The following LYPLA1 variants were observed in gnomAD, a reference collection of about 807,000 sequenced individuals.
LYPLA1 encodes the protein acyl-protein thioesterase 1.
Under a neutral mutation model 34.0 loss-of-function variants are expected in LYPLA1, and 17 were observed. The ratio of observed to expected loss-of-function variants is 0.50; its 90% confidence interval spans 0.34 to 0.75. The LOEUF (loss-of-function observed/expected upper bound fraction) is 0.75, where lower values mean the gene tolerates loss of function less well. Ranked by LOEUF, LYPLA1 falls within the 30% of genes least tolerant of loss-of-function variation. LYPLA1 has a pLI of 0.01. For missense variants in LYPLA1, 203 were observed against 288.8 expected, an observed-to-expected ratio of 0.70 and a Z score of 2.15; for synonymous variants, 98 against 100.8, an observed-to-expected ratio of 0.97 and a Z score of 0.17.
downstream of LYPLA1, among the ~76,000 whole-genome samples, chr8:54,043,694 T>G (rs1169265825): frequency 1.3e-5 from 2 of 151,920 alleles, no homozygotes; most frequent in Non-Finnish European, 2.9e-5. Context: ...CCCAAGTAGC[T>G]GGGATTACAG....
At chr8:54,065,619 C>CT in intron 3 of LYPLA1, 129 bp downstream of exon 3, 1 of 588,072 alleles carries the variant, frequency 1.7e-6, no homozygotes, top group East Asian at 2.9e-5. Flanking sequence ...TTCTACTAAT[C>CT]TTTATTTTTA....
chr8:54,060,689 C>CA (rs1554541943), intron 5 of LYPLA1, among the ~76,000 whole-genome samples: 2 of 123,484 alleles, frequency 1.6e-5, no homozygotes, highest in Non-Finnish European at 3.3e-5. Flanking sequence ...TTTTTTCTTC[C>CA]TTTTTTTTTT....
chr8:54,050,317 C>T (rs1410737029), intron 8 of LYPLA1, among the ~76,000 whole-genome samples: 1 of 152,162 alleles, frequency 6.6e-6, no homozygotes, highest in Non-Finnish European at 1.5e-5. Context: ...TCCTTGGTTA[C>T]TACACCCCAC....
At chr8:54,098,448 G>C (rs944170383) in intron 2 of LYPLA1, among the ~76,000 whole-genome samples, 1 of 152,208 alleles carries the variant, frequency 6.6e-6, no homozygotes, top group Non-Finnish European at 1.5e-5. Context: ...GGAGGCCGAG[G>C]TGGGTGGATC....
At chr8:54,087,103 T>C (rs1440239451) in intron 2 of LYPLA1, among the ~76,000 whole-genome samples, 1 of 152,188 alleles carries the variant, frequency 6.6e-6, no homozygotes, top group Non-Finnish European at 1.5e-5. Context: ...TCTCATGATC[T>C]TGTGAGCTGA....
chr8:54,071,452 A>T (rs1463837841), intron 2 of LYPLA1, among the ~76,000 whole-genome samples: 1 of 152,204 alleles, frequency 6.6e-6, no homozygotes, highest in Non-Finnish European at 1.5e-5. Context: ...GAGTTAAAAA[A>T]AGACTCATCT....
chr8:54,066,422 TA>T (rs1265959796), intron 2 of LYPLA1, among the ~76,000 whole-genome samples: 1 of 152,232 alleles, frequency 6.6e-6, no homozygotes, highest in Non-Finnish European at 1.5e-5. Context: ...GATATATTTT[TA>T]AAATGTCTTT....
At chr8:54,052,141 G>A (rs1427647305) in intron 7 of LYPLA1, among the ~76,000 whole-genome samples, 6 of 152,040 alleles carry the variant, frequency 3.9e-5, no homozygotes, top group African/African-American at 9.7e-5. Context: ...ATGAGCCACC[G>A]CACCTGGTCT....
chr8:54,082,442 C>T (rs1586151538), intron 2 of LYPLA1, among the ~76,000 whole-genome samples: 1 of 151,894 alleles, frequency 6.6e-6, no homozygotes, highest in East Asian at 1.9e-4. Context: ...AACAGCTTAG[C>T]TCCTATTTGT....
chr8:54,048,839 T>G (rs887532962), intron 8 of LYPLA1, among the ~76,000 whole-genome samples: 3 of 152,240 alleles, frequency 2.0e-5, no homozygotes, highest in African/African-American at 4.8e-5. Context: ...CACAATACTC[T>G]GAAGTCCCAA....
intron 3 of LYPLA1, among the ~76,000 whole-genome samples, chr8:54,065,086 C>T (rs969553266): frequency 1.3e-5 from 2 of 152,034 alleles, no homozygotes; most frequent in African/African-American, 2.4e-5. Context: ...TTGCCCCAAA[C>T]GATAAAATTA....
chr8:54,069,623 T>C (rs529629259), intron 2 of LYPLA1, among the ~76,000 whole-genome samples: 2 of 151,688 alleles, frequency 1.3e-5, no homozygotes, highest in South Asian at 2.1e-4. Context: ...GGCTGGAGAA[T>C]CATTTGAACC....
Position 54,070,549 on chromosome 8 carries a change from C to T in LYPLA1, c.102-4736G>A, listed in dbSNP as rs964366953. On this transcript the variant is annotated intron_variant, in intron 2 of 8. Transcript: ENST00000316963. ...GACCAGCCTGGTCAACATGGTGAAACCTGTCTCTACTAAAAATACAAAAAT... is the reference window on the plus strand; with the variant it reads ...GACCAGCCTGGTCAACATGGTGAAATCTGTCTCTACTAAAAATACAAAAAT... Among the ~76,000 whole-genome samples the T allele has an allele frequency of 9.2e-5, 14 of 152,146 alleles. No homozygotes were observed. In the South Asian group the frequency reaches 2.9e-3, roughly 32 times the overall value.
At chr8:54,093,885 G>A (rs1305876307) in intron 2 of LYPLA1, among the ~76,000 whole-genome samples, 1 of 152,118 alleles carries the variant, frequency 6.6e-6, no homozygotes, top group African/African-American at 2.4e-5. Flanking sequence ...ATATGCCAGT[G>A]GGCTGCCCTT....
intron 1 of LYPLA1, 29 bp from the exon 2 acceptor site, chr8:54,100,968 A>C: frequency 6.3e-7 from 1 of 1,590,402 alleles, no homozygotes. Flanking sequence ...ATTAATAAGC[A>C]ATGCCTAAAT....
At chr8:54,071,548 A>G (rs1330506461) in intron 2 of LYPLA1, among the ~76,000 whole-genome samples, 1 of 152,366 alleles carries the variant, frequency 6.6e-6, no homozygotes, top group South Asian at 2.1e-4. Context: ...ACACGCAGTA[A>G]AAGATGAACC....
At chr8:54,053,553 G>C (rs927056113) in intron 6 of LYPLA1, 1 of 455,298 alleles carries the variant, frequency 2.2e-6, no homozygotes, top group Non-Finnish European at 4.4e-6. Context: ...CATGCCCATG[G>C]GTTACTGCAA....
chr8:54,070,559 C>T (rs1027954340), intron 2 of LYPLA1, among the ~76,000 whole-genome samples: 7 of 151,976 alleles, frequency 4.6e-5, no homozygotes, highest in African/African-American at 1.7e-4. Context: ...CCTGTCTCTA[C>T]TAAAAATACA....
chr8:54,093,421 A>C (rs867004027), intron 2 of LYPLA1, among the ~76,000 whole-genome samples: 1 of 152,238 alleles, frequency 6.6e-6, no homozygotes, highest in African/African-American at 2.4e-5. Flanking sequence ...TCACATGAAG[A>C]CAGAGGCAGA....
Sources: allele counts gnomAD v4.1 joint callset (sites outside exome capture counted in the v4.1 genomes callset), GRCh38; gene constraint gnomAD v4.1.1; transcripts MANE v1.5; gene names NCBI Gene and HGNC (gene_info 2026-07-23, HGNC 2026-07-21).